Variants in LYRM4 observed in about 807,000 individuals in gnomAD.
LYRM4 encodes LYR motif-containing protein 4.
LYRM4 carries 9 observed loss-of-function variants against 11.7 expected under a neutral mutation model. That is an observed-to-expected ratio of 0.77 (90% CI 0.46 to 1.34). LYRM4 has a LOEUF of 1.34. Ranked by LOEUF, LYRM4 falls within the 40% of genes most tolerant of loss-of-function variation. LYRM4 has a pLI of 0.00. For missense variants in LYRM4, 133 were observed against 112.5 expected, an observed-to-expected ratio of 1.18 and a Z score of -0.82; for synonymous variants, 42 against 40.4, an observed-to-expected ratio of 1.04 and a Z score of -0.15.
chr6:5,210,727 T>C (rs969736066), intron 2 of LYRM4, among the ~76,000 whole-genome samples: 1 of 152,210 alleles, frequency 6.6e-6, no homozygotes, highest in Non-Finnish European at 1.5e-5. Context: ...TTCTACAAAT[T>C]TGACTACTTT....
intron 2 of LYRM4, among the ~76,000 whole-genome samples, chr6:5,178,965 T>G (rs1759894522): frequency 6.6e-6 from 1 of 150,696 alleles, no homozygotes; most frequent in African/African-American, 2.4e-5. Context: ...TTTACATGCC[T>G]TTGTCAGATT....
the LYRM4 span, among the ~76,000 whole-genome samples, chr6:5,039,951 G>A: frequency 6.6e-6 from 1 of 152,172 alleles, no homozygotes; most frequent in Non-Finnish European, 1.5e-5. Context: ...ACCCACACAC[G>A]TGTGGACACA....
chr6:5,211,246 C>T (rs146328327), intron 2 of LYRM4, among the ~76,000 whole-genome samples: 7 of 152,170 alleles, frequency 4.6e-5, no homozygotes, highest in Middle Eastern at 3.4e-3. Context: ...GGAACTGGAG[C>T]GGATATTGCA....
intron 2 of LYRM4, among the ~76,000 whole-genome samples, chr6:5,153,536 A>C: frequency 6.6e-6 from 1 of 152,256 alleles, no homozygotes; most frequent in East Asian, 1.9e-4. Context: ...GGCAACTCAC[A>C]GAACCTTCCA....
the LYRM4 span, among the ~76,000 whole-genome samples, chr6:5,058,123 T>C: frequency 1.3e-5 from 2 of 152,146 alleles, no homozygotes; most frequent in Non-Finnish European, 2.9e-5. Context: ...CTTCATTCCA[T>C]TTTCCCGAGA....
At chr6:5,133,746 A>C (rs142033005) in intron 2 of LYRM4, among the ~76,000 whole-genome samples, 3 of 152,286 alleles carry the variant, frequency 2.0e-5, no homozygotes, top group African/African-American at 4.8e-5. Context: ...AGGAAACCCC[A>C]TACTCATTAA....
chr6:5,057,647 G>A, the LYRM4 span, among the ~76,000 whole-genome samples: 5 of 151,472 alleles, frequency 3.3e-5, no homozygotes, highest in East Asian at 2.0e-4. Context: ...CCTGGGAGGC[G>A]GAGGTTGTAG....
rs1350613748 is a variant in LYRM4 at position 5,216,720 on chromosome 6, C to T, written c.105G>A (p.Arg35=). The T allele has an allele frequency of 1.2e-6, 2 of 1,613,186 alleles. No individual in the cohort carries two copies. Among genetic ancestry groups the T allele is most frequent in the Admixed American group, 1.7e-5 (1 of 59,990 alleles). ...TATTTTCTCTGAAGGCATCTCTTAT[C>T]CTCCTGACAGCATATGTTCTAAATG... ...AYNYRTYAVR[R]IRDAFRENKN... Residue 35 remains arginine, a synonymous_variant, in exon 2 of 3, where the codon AGG becomes AGA. Transcript: ENST00000330636.
At chr6:5,235,788 C>T (rs530099103) in intron 1 of LYRM4, among the ~76,000 whole-genome samples, 3 of 152,174 alleles carry the variant, frequency 2.0e-5, no homozygotes, top group Non-Finnish European at 4.4e-5. Flanking sequence ...TGTTCTTTTA[C>T]CCCTGTGTTT....
At chr6:5,227,006 G>C (rs1762932992) in intron 1 of LYRM4, among the ~76,000 whole-genome samples, 1 of 152,134 alleles carries the variant, frequency 6.6e-6, no homozygotes, top group Admixed American at 6.6e-5. Context: ...TATATGATGA[G>C]GAATTAAACC....
chr6:5,242,680 T>C (rs550668841), intron 1 of LYRM4, among the ~76,000 whole-genome samples: 1 of 150,700 alleles, frequency 6.6e-6, no homozygotes, highest in African/African-American at 2.5e-5. Context: ...GATCATTCCA[T>C]TGCACTCCAG....
intron 2 of LYRM4, among the ~76,000 whole-genome samples, chr6:5,201,378 C>T (rs910858559): frequency 6.6e-6 from 1 of 152,112 alleles, no homozygotes; most frequent in Non-Finnish European, 1.5e-5. Flanking sequence ...CTGAGAGTGG[C>T]CTGGAAACAT....
intron 2 of LYRM4, among the ~76,000 whole-genome samples, chr6:5,199,369 T>C (rs1009175111): frequency 6.6e-6 from 1 of 151,694 alleles, no homozygotes; most frequent in African/African-American, 2.4e-5. Flanking sequence ...GAAGAGTGGG[T>C]TGGGGGAAAA....
intron 2 of LYRM4, among the ~76,000 whole-genome samples, chr6:5,125,642 C>T (rs1334166754): frequency 6.6e-6 from 1 of 152,218 alleles, no homozygotes. Context: ...CAGAGGGAGG[C>T]ACCCCTCCCA....
At chr6:5,036,238 G>A in the LYRM4 span, among the ~76,000 whole-genome samples, 8,480 of 152,244 alleles carry the variant, frequency 0.056, 263 homozygotes, top group Middle Eastern at 0.16. Context: ...GGAAGAAGTG[G>A]TCTGAATTAA....
chr6:5,260,780 A>G lies in LYRM4; in HGVS notation c.-47T>C. On this transcript the variant is annotated 5_prime_UTR_variant, in exon 1 of 3. Transcript: ENST00000330636. ...ACGGGTCCTCTTCGCCGAGGTCCCA[A>G]GTACGACCCAACCCACGAAACTCCA... 6.5e-7 allele frequency: 1 copy of G among 1,536,434 alleles called. No homozygotes were observed. Among genetic ancestry groups the G allele is most frequent in the Non-Finnish European group, 8.7e-7 (1 of 1,146,302 alleles).
At chr6:5,173,052 G>C (rs1759519430) in intron 2 of LYRM4, among the ~76,000 whole-genome samples, 1 of 152,160 alleles carries the variant, frequency 6.6e-6, no homozygotes, top group Non-Finnish European at 1.5e-5. Context: ...AAGTATCATT[G>C]CTTTAATGTG....
At chr6:5,112,478 A>T (rs57697533) in intron 2 of LYRM4, among the ~76,000 whole-genome samples, 1 of 152,162 alleles carries the variant, frequency 6.6e-6, no homozygotes, top group Non-Finnish European at 1.5e-5. Flanking sequence ...CATACACAGA[A>T]CACAATGCAC....
At chr6:5,067,780 T>A in the LYRM4 span, among the ~76,000 whole-genome samples, 6 of 152,208 alleles carry the variant, frequency 3.9e-5, no homozygotes, top group Non-Finnish European at 8.8e-5. Context: ...AGCGTTACGA[T>A]ACACACAAAG....
Sources: allele counts gnomAD v4.1 joint callset (sites outside exome capture counted in the v4.1 genomes callset), GRCh38; gene constraint gnomAD v4.1.1; transcripts MANE v1.5; gene names NCBI Gene and HGNC (gene_info 2026-07-23, HGNC 2026-07-21).